The following MGAT4C variants were observed in gnomAD, a reference collection of about 807,000 sequenced individuals.
MGAT4C encodes the protein alpha-1,3-mannosyl-glycoprotein 4-beta-N-acetylglucosaminyltransferase C.
Under a neutral mutation model 40.1 loss-of-function variants are expected in MGAT4C, and 19 were observed. The ratio of observed to expected loss-of-function variants is 0.47; its 90% CI spans 0.33 to 0.70. The LOEUF is 0.70. MGAT4C is among the 30% of genes least tolerant of loss of function. MGAT4C has a pLI of 0.02. For synonymous variants in MGAT4C, 181 were observed against 187.1 expected (o/e 0.97, Z 0.27); for missense variants, 491 against 563.2 (o/e 0.87, Z 1.30).
chr12:86,592,379 C>A (rs1360776410), intron 2 of MGAT4C, among the ~76,000 whole-genome samples: 1 of 152,080 alleles, frequency 6.6e-6, no homozygotes, highest in Admixed American at 6.6e-5. Context: ...TGAGTATTAT[C>A]TTTTTCTTCA....
chr12:86,432,015 G>T (rs1424316494), intron 3 of MGAT4C, among the ~76,000 whole-genome samples: 1 of 152,080 alleles, frequency 6.6e-6, no homozygotes, highest in Non-Finnish European at 1.5e-5. Context: ...ACTCTTAAAA[G>T]TGTACTCCAC....
At chr12:86,278,060 ATTTAT>A (rs1190858435) in intron 4 of MGAT4C, among the ~76,000 whole-genome samples, 1 of 151,836 alleles carries the variant, frequency 6.6e-6, no homozygotes, top group Admixed American at 6.6e-5. Context: ...GTCCTCTTCA[ATTTAT>A]TTTATCAATA....
Position 86,070,833 on chromosome 12 carries a change from T to C in MGAT4C, c.-56-21110A>G, listed in dbSNP as rs537495437. Among the ~76,000 whole-genome samples the C allele has an allele frequency of 1.1e-4, 17 of 152,192 alleles. No individual in the cohort carries two copies. The East Asian group carries it at 3.3e-3, about 29-fold the overall frequency. On this transcript the variant is annotated intron_variant, in intron 1 of 4. Transcript: ENST00000611864. ...TTCTAACAATGTAGTTAATTATTGA[T>C]TTTTAAAAAAACATTTGACCAAGCA...
At chr12:86,347,895 A>C (rs1955075230) in intron 3 of MGAT4C, among the ~76,000 whole-genome samples, 1 of 152,136 alleles carries the variant, frequency 6.6e-6, no homozygotes, top group Non-Finnish European at 1.5e-5. Context: ...ATTTTAATTC[A>C]CATCAAGTTG....
intron 1 of MGAT4C, among the ~76,000 whole-genome samples, chr12:86,734,545 T>G (rs1405358239): frequency 6.6e-6 from 1 of 152,016 alleles, no homozygotes; most frequent in African/African-American, 2.4e-5. Flanking sequence ...GATAAGTGAT[T>G]ATGTCTTCAG....
intron 2 of MGAT4C, among the ~76,000 whole-genome samples, chr12:86,506,940 AT>A (rs1467371280): frequency 2.0e-5 from 3 of 152,138 alleles, no homozygotes; most frequent in Non-Finnish European, 4.4e-5. Context: ...TTACTTAGAG[AT>A]TTTAGCCAAA....
intron 3 of MGAT4C, among the ~76,000 whole-genome samples, chr12:86,385,338 C>T (rs1347577919): frequency 7.2e-5 from 11 of 152,034 alleles, no homozygotes; most frequent in Admixed American, 7.2e-4. Flanking sequence ...AATCCTATTC[C>T]TCTTAGCTCT....
intron 1 of MGAT4C, among the ~76,000 whole-genome samples, chr12:86,098,649 A>G (rs903025574): frequency 6.6e-6 from 1 of 151,606 alleles, no homozygotes; most frequent in Non-Finnish European, 1.5e-5. Context: ...GTCCTTGATC[A>G]CTAATTTCTC....
Position 85,983,652 on chromosome 12 carries a change from T to A in MGAT4C, c.166A>T (p.Ile56Leu), listed in dbSNP as rs1403311772. The A allele has an allele frequency of 6.3e-7, 1 of 1,584,968 alleles. No homozygotes were observed. The highest frequency in any genetic ancestry group is 8.6e-7 in the Non-Finnish European group (1 of 1,167,956). The change falls in exon 4 of 5, where the codon ATA becomes TTA. Residue 56 changes from isoleucine to leucine, a missense_variant. Ile to Leu is a conservative substitution (Grantham distance 5, BLOSUM62 2). Coordinates refer to ENST00000611864, the MANE Select transcript of MGAT4C (RefSeq NM_001351288.2). ...AGTTGATGTGTGGATGTTTCCCTTATAAGTTGTTTGTCTCCTTCCTAAATA... is the reference window on the plus strand; with the variant it reads ...AGTTGATGTGTGGATGTTTCCCTTAAAAGTTGTTTGTCTCCTTCCTAAATA... ...SYVLEGDKQL[I>L]RETSTHQLNS... is the part of the protein sequence containing the mutation.
intron 1 of MGAT4C, among the ~76,000 whole-genome samples, chr12:86,059,947 G>A (rs1358653392): frequency 3.3e-5 from 5 of 152,098 alleles, no homozygotes; most frequent in African/African-American, 9.7e-5. Context: ...GAATGAGAAC[G>A]GGAATAAGGC....
chr12:86,543,850 T>C (rs556375839), intron 2 of MGAT4C, among the ~76,000 whole-genome samples: 1 of 152,264 alleles, frequency 6.6e-6, no homozygotes, highest in South Asian at 2.1e-4. Flanking sequence ...CTGATTCCTC[T>C]GGTCAGGTGG....
At chr12:86,251,673 G>C (rs1392733631) in intron 1 of MGAT4C, among the ~76,000 whole-genome samples, 1 of 151,862 alleles carries the variant, frequency 6.6e-6, no homozygotes, top group African/African-American at 2.4e-5. Context: ...TTATCTGACT[G>C]ACTGCAGCAC....
At chr12:86,731,932 A>G (rs1165171424) in intron 1 of MGAT4C, among the ~76,000 whole-genome samples, 1 of 152,130 alleles carries the variant, frequency 6.6e-6, no homozygotes, top group African/African-American at 2.4e-5. Flanking sequence ...AGATAGGTAT[A>G]GCTCCTTATA....
At chr12:86,644,283 C>T (rs1016077711) in intron 2 of MGAT4C, among the ~76,000 whole-genome samples, 7 of 151,580 alleles carry the variant, frequency 4.6e-5, no homozygotes, top group African/African-American at 1.2e-4. Flanking sequence ...TAAACAGACT[C>T]GAACAGGAAT....
At chr12:86,795,255 A>G (rs1392518754) in intron 1 of MGAT4C, among the ~76,000 whole-genome samples, 1 of 151,932 alleles carries the variant, frequency 6.6e-6, no homozygotes, top group Non-Finnish European at 1.5e-5. Context: ...AGAAATAACA[A>G]TTTTGTCCCA....
At chr12:85,987,992 A>T (rs554446791) in intron 3 of MGAT4C, among the ~76,000 whole-genome samples, 1 of 152,218 alleles carries the variant, frequency 6.6e-6, no homozygotes, top group Non-Finnish European at 1.5e-5. Flanking sequence ...TTAAGAAAAA[A>T]ATAGCAAGAA....
chr12:86,052,059 A>C (rs879262915), intron 1 of MGAT4C, among the ~76,000 whole-genome samples: 30 of 151,926 alleles, frequency 2.0e-4, no homozygotes, highest in Middle Eastern at 3.4e-3. Flanking sequence ...CAAATATCTC[A>C]TAGATACTTA....
chr12:86,164,394 C>T (rs1304477000), intron 1 of MGAT4C, among the ~76,000 whole-genome samples: 1 of 152,252 alleles, frequency 6.6e-6, no homozygotes, highest in Non-Finnish European at 1.5e-5. Flanking sequence ...TTTAATCATA[C>T]ATATTTAATC....
intron 2 of MGAT4C, among the ~76,000 whole-genome samples, chr12:86,653,145 G>C (rs1429002595): frequency 3.3e-5 from 5 of 151,800 alleles, no homozygotes. Flanking sequence ...GTTTAATTTT[G>C]TCATTTGCAA....
Sources: gnomAD v4.1 joint callset for allele counts (sites outside exome capture counted in the v4.1 genomes callset) on GRCh38, gnomAD v4.1.1 for gene constraint, MANE v1.5 for transcripts, NCBI Gene and HGNC (gene_info 2026-07-23, HGNC 2026-07-21) for gene names.